The following PYROXD2 variants were observed in gnomAD, a reference collection of about 807,000 sequenced individuals.
PYROXD2 encodes the protein pyridine nucleotide-disulphide oxidoreductase domain 2.
In PYROXD2, 69 loss-of-function variants were observed where a neutral mutation model predicts 71.1. That is an observed-to-expected ratio of 0.97 (90% CI 0.80 to 1.19). The LOEUF (loss-of-function observed/expected upper bound fraction) is 1.19. Ranked by LOEUF, PYROXD2 falls within the 50% of genes most tolerant of loss-of-function variation. PYROXD2 has a pLI of 0.00. For missense variants in PYROXD2, 745 were observed against 748.9 expected, an observed-to-expected ratio of 0.99 and a Z score of 0.06; for synonymous variants, 287 against 302.7, an observed-to-expected ratio of 0.95 and a Z score of 0.54.
At chr10:98,404,856 GGTTTCCCCAGCA>G (rs1359929724) in intron 4 of PYROXD2, among the ~76,000 whole-genome samples, 185 of 152,220 alleles carry the variant, frequency 1.2e-3, no homozygotes, top group African/African-American at 3.9e-3. Flanking sequence ...GAACCCCTGG[GGTTTCCCCAGCA>G]GTTTCCCCAG....
intron 8 of PYROXD2, among the ~76,000 whole-genome samples, chr10:98,393,535 G>A (rs912763144): frequency 6.6e-6 from 1 of 152,156 alleles, no homozygotes; most frequent in Admixed American, 6.5e-5. Context: ...AGCCTTGACC[G>A]CTACCATCCT....
At chr10:98,385,966 T>G (rs1277257085) in intron 14 of PYROXD2, among the ~76,000 whole-genome samples, 2 of 152,132 alleles carry the variant, frequency 1.3e-5, no homozygotes, top group African/African-American at 2.4e-5. Flanking sequence ...TTTGATTTAT[T>G]AGTAGCTACA....
At chr10:98,404,240 A>T (rs1278128408) in intron 4 of PYROXD2, among the ~76,000 whole-genome samples, 1 of 152,240 alleles carries the variant, frequency 6.6e-6, no homozygotes, top group Non-Finnish European at 1.5e-5. Context: ...AAATAAGGCA[A>T]ACACTGAGCT....
intron 2 of PYROXD2, among the ~76,000 whole-genome samples, chr10:98,408,849 T>C (rs1843695712): frequency 1.3e-5 from 2 of 152,232 alleles, no homozygotes; most frequent in Non-Finnish European, 2.9e-5. Context: ...GTACATTGTC[T>C]TGTTTAATTT....
At chr10:98,394,568 A>G (rs535639143) in intron 8 of PYROXD2, among the ~76,000 whole-genome samples, 223 of 151,926 alleles carry the variant, frequency 1.5e-3, no homozygotes, top group Non-Finnish European at 3.0e-3. Flanking sequence ...ACACACACAC[A>G]CACACACACA....
chr10:98,387,564 G>A (rs1163751699), intron 13 of PYROXD2, among the ~76,000 whole-genome samples: 2 of 150,714 alleles, frequency 1.3e-5, no homozygotes, highest in African/African-American at 2.4e-5. Context: ...CCTTAAACAC[G>A]AAGCTGCTGA....
chr10:98,405,558 ACTAT>A (rs1397581787), intron 4 of PYROXD2, among the ~76,000 whole-genome samples: 4 of 152,196 alleles, frequency 2.6e-5, no homozygotes, highest in African/African-American at 9.7e-5. Flanking sequence ...AGCTGCTGTT[ACTAT>A]TCCCTCTTAC....
chr10:98,401,112 G>C (rs538163605), intron 4 of PYROXD2, among the ~76,000 whole-genome samples: 64 of 151,992 alleles, frequency 4.2e-4, no homozygotes, highest in Non-Finnish European at 2.9e-5. Context: ...AATTAGCCGG[G>C]CATGGTGGCA....
chr10:98,389,959 T>C (rs997854984), intron 12 of PYROXD2, among the ~76,000 whole-genome samples: 2 of 152,222 alleles, frequency 1.3e-5, no homozygotes, highest in African/African-American at 4.8e-5. Context: ...CACATCTTCT[T>C]TACCACATGC....
At chr10:98,411,237 T>C (rs1843776551) in intron 1 of PYROXD2, 2 of 467,012 alleles carry the variant, frequency 4.3e-6, no homozygotes, top group Non-Finnish European at 7.6e-6. Flanking sequence ...GAGGGGCTCA[T>C]GAGAGCATCG....
At position 98,407,738 on chromosome 10, in the gene PYROXD2, G is replaced by A. The variant is rs12768227; in HGVS notation, c.242-83C>T. ...CCAGGGGTCAGCAGGGATGGAGACC[G>A]TCACCAGGGGTCAGCAGGGATGGAG... On this transcript the variant is annotated intron_variant, in intron 3 of 15. Coordinates refer to ENST00000370575, the MANE Select transcript of PYROXD2 (RefSeq NM_032709.3). 1.6e-3 allele frequency: 1,388 copies of A among 852,982 alleles called. 73 individuals are homozygous for A. The African/African-American group carries it at 0.025, about 15-fold the overall frequency. 52.8% of individuals were successfully genotyped at this position (852,982 alleles called of 1,614,324 possible).
chr10:98,391,453 G>A (rs1029779740), intron 10 of PYROXD2, among the ~76,000 whole-genome samples: 1 of 152,102 alleles, frequency 6.6e-6, no homozygotes, highest in Non-Finnish European at 1.5e-5. Context: ...TTTTAGTAAT[G>A]GAATCACTCA....
chr10:98,415,021 C>T lies in PYROXD2; in HGVS notation c.115G>A (p.Val39Met). Residue 39 changes from valine to methionine, a missense_variant, in exon 1 of 16, where the codon GTG becomes ATG. By Grantham distance (21) the Val-to-Met change is conservative. Transcript: ENST00000370575. ...GGLKPEYDAV[V>M]IGAGHNGLVA... ...TTTACCACTTTACCTGCTCCTATCA[C>T]CACCGCATCATACTCAGGCTTCAGA... 6.2e-7 allele frequency: 1 copy of T among 1,613,680 alleles called. No individual in the cohort carries two copies. Among genetic ancestry groups the T allele is most frequent in the Non-Finnish European group, 8.5e-7 (1 of 1,179,774 alleles).
chr10:98,402,472 T>G (rs1843447971), intron 4 of PYROXD2, among the ~76,000 whole-genome samples: 1 of 152,286 alleles, frequency 6.6e-6, no homozygotes, highest in South Asian at 2.1e-4. Context: ...CAGACTCATT[T>G]ACTCCAGGGT....
chr10:98,387,167 G>T, intron 14 of PYROXD2, 34 bp downstream of exon 14: 2 of 1,498,552 alleles, frequency 1.3e-6, no homozygotes, highest in Non-Finnish European at 1.9e-6. Flanking sequence ...CAGAGGGAAG[G>T]CTATGGTGAG....
intron 13 of PYROXD2, among the ~76,000 whole-genome samples, chr10:98,387,627 T>G (rs899679060): frequency 2.3e-5 from 1 of 43,184 alleles, no homozygotes; most frequent in African/African-American, 1.7e-4. Flanking sequence ...TCAAGCTGTT[T>G]TTTTTTTTTT....
chr10:98,400,097 C>T lies in PYROXD2; in HGVS notation c.471+5G>A. ...AGGAGCTCAGTCACTGGTCGCCTTC[C>T]CTACCTGGGCATCCTTCTGGGAGAA... On this transcript the variant is annotated splice_donor_5th_base_variant and intron_variant, in intron 5 of 15. Transcript: ENST00000370575. 2 of 1,612,046 alleles carry T rather than the reference C, an allele frequency of 1.2e-6. No homozygotes were observed. The highest frequency in any genetic ancestry group is 3.3e-5 in the Admixed American group (2 of 59,908).
chr10:98,409,237 C>G (rs1843708905), intron 2 of PYROXD2, among the ~76,000 whole-genome samples: 1 of 150,798 alleles, frequency 6.6e-6, no homozygotes, highest in Admixed American at 6.7e-5. Flanking sequence ...CCGAACACCC[C>G]TCTTGGCTGA....
chr10:98,391,559 A>G (rs1233383454), intron 10 of PYROXD2, among the ~76,000 whole-genome samples: 1 of 152,112 alleles, frequency 6.6e-6, no homozygotes, highest in African/African-American at 2.4e-5. Context: ...GCACAGGGTA[A>G]GTCAATTGCA....
Sources: allele counts gnomAD v4.1 joint callset (sites outside exome capture counted in the v4.1 genomes callset), GRCh38; gene constraint gnomAD v4.1.1; transcripts MANE v1.5; gene names NCBI Gene and HGNC (gene_info 2026-07-23, HGNC 2026-07-21).